CRTC2: variants seen among roughly 807,000 people sequenced by gnomAD.
CRTC2 encodes the protein CREB-regulated transcription coactivator 2.
Under a neutral mutation model 70.9 loss-of-function variants are expected in CRTC2, and 25 were observed. The ratio of observed to expected loss-of-function variants is 0.35; its 90% confidence interval spans 0.26 to 0.49. CRTC2 has a LOEUF of 0.49. Ranked by LOEUF, CRTC2 falls within the 20% of genes least tolerant of loss-of-function variation. The pLI, the probability that CRTC2 is intolerant of heterozygous loss-of-function variation, is 0.98. For synonymous variants in CRTC2, 330 were observed against 364.1 expected, an observed-to-expected ratio of 0.91 and a Z score of 1.07; for missense variants, 737 against 882.6, an observed-to-expected ratio of 0.83 and a Z score of 2.09.
chr1:153,947,960 C>T lies in CRTC2; in HGVS notation c.*149G>A. ...AATTCAGGGGCCACCTGGACAAACC[C>T]CTTGCTTTTTCTCATTCTTGGCATC... On this transcript the variant is annotated 3_prime_UTR_variant, in exon 14 of 14. Coordinates refer to ENST00000368633, the MANE Select transcript of CRTC2 (RefSeq NM_181715.3). The T allele has an allele frequency of 1.2e-6, 1 of 837,166 alleles. No individual in the cohort carries two copies. The highest frequency in any genetic ancestry group is 1.9e-6 in the Non-Finnish European group (1 of 523,110). 51.9% of individuals were successfully genotyped at this position (837,166 alleles called of 1,614,324 possible).
Position 153,948,172 on chromosome 1 carries a change from G to T in CRTC2, c.2019C>A (p.Asp673Glu), listed in dbSNP as rs1680114751. The change falls in exon 14 of 14, where the codon GAC becomes GAA. Residue 673 changes from aspartate to glutamate, a missense_variant. Coordinates refer to ENST00000368633, the MANE Select transcript of CRTC2 (RefSeq NM_181715.3). ...CAGGATCAGGCAGCAGGGCACAGGG[G>T]TCACTCAGCATGTTTAGCCCTTCCA... ...LGLEGLNMLS[D>E]PCALLPDPAV... 2 of 1,614,196 alleles carry T rather than the reference G, an allele frequency of 1.2e-6. No homozygotes were observed. Among genetic ancestry groups the T allele is most frequent in the African/African-American group, 1.3e-5 (1 of 75,038 alleles).
rs375497921 is a variant in CRTC2, at chr1:153,955,140, T to C, written c.180A>G (p.Ala60=). ...CACCATAATGAGAGCTCCTTGTGTA[T>C]GCCAGTCGCAGTTTTTGGGCCTGTA... ...TRLQAQKLRL[A]YTRSSHYGGS... Residue 60 remains alanine, a synonymous_variant, in exon 2 of 14, where the codon GCA becomes GCG. Transcript: ENST00000368633. 1.2e-6 allele frequency: 2 copies of C among 1,614,004 alleles called. No individual in the cohort carries two copies. Among genetic ancestry groups the C allele is most frequent in the African/African-American group, 1.3e-5 (1 of 75,048 alleles).
At position 153,955,060 on chromosome 1, in the gene CRTC2, C is replaced by T; in HGVS notation, c.255+5G>A. 2 of 1,614,042 alleles carry T rather than the reference C, an allele frequency of 1.2e-6. No individual in the cohort carries two copies. The highest frequency in any genetic ancestry group is 4.5e-5 in the East Asian group (2 of 44,882). On this transcript the variant is annotated splice_donor_5th_base_variant and intron_variant, in intron 2 of 13. Transcript: ENST00000368633. ...TCCACTCCTCCCTGGCTGGGGTCTACTCACCTGGAACTCGGCCAGGCCAGA... is the reference window on the plus strand; with the variant it reads ...TCCACTCCTCCCTGGCTGGGGTCTATTCACCTGGAACTCGGCCAGGCCAGA...
chr1:153,953,706 G>T, intron 4 of CRTC2, 100 bp from the exon 5 acceptor site: 2 of 720,646 alleles, frequency 2.8e-6, no homozygotes, highest in Non-Finnish European at 4.7e-6. Flanking sequence ...TGGAAGTAAA[G>T]ATGGCTGAGC....
Position 153,953,286 on chromosome 1 carries a change from A to G in CRTC2, c.587T>C (p.Ile196Thr), listed in dbSNP as rs1571078689. The change falls in exon 6 of 14, where the codon ATC (isoleucine) becomes ACC (threonine). Residue 196 changes from isoleucine (I) to threonine (T), a missense_variant. Ile to Thr is a moderately conservative substitution (Grantham distance 89, BLOSUM62 -1). This residue lies in a region of CRTC2 where 699 missense variants were observed against 823.7 expected (regional missense o/e 0.85). Coordinates refer to ENST00000368633, the MANE Select transcript of CRTC2 (RefSeq NM_181715.3). The part of the protein sequence containing the change: ...DTYPGPTPPS[I>T]LPSRRGGILD... ...CTTACCCCCACGTCGGCTGGGCAGG[A>G]TGCTGGGAGGTGTGGGGCCTGGGTA... The G allele has an allele frequency of 3.1e-6, 5 of 1,593,546 alleles. No homozygotes were observed. The highest frequency in any genetic ancestry group is 1.8e-4 in the Middle Eastern group (1 of 5,566).
intron 1 of CRTC2, among the ~76,000 whole-genome samples, chr1:153,956,926 C>T (rs1020259962): frequency 6.6e-6 from 1 of 152,170 alleles, no homozygotes; most frequent in African/African-American, 2.4e-5. Flanking sequence ...CCTAAGATCC[C>T]ACCATGCCTC....
intron 4 of CRTC2, 77 bp downstream of exon 4, chr1:153,954,178 C>T: frequency 8.9e-7 from 1 of 1,125,262 alleles, no homozygotes; most frequent in Non-Finnish European, 1.3e-6. Context: ...AATCCCAGCC[C>T]CAACCCAGAA....
intron 8 of CRTC2, 49 bp from the exon 9 acceptor site, chr1:153,952,495 G>T (rs1680384663): frequency 6.2e-7 from 1 of 1,613,020 alleles, no homozygotes; most frequent in Non-Finnish European, 8.5e-7. Flanking sequence ...GCTCAGCAGA[G>T]AACCCTGGAA....
intron 1 of CRTC2, 136 bp downstream of exon 1, chr1:153,958,209 G>A (rs928918896): frequency 1.4e-6 from 2 of 1,432,068 alleles, no homozygotes; most frequent in South Asian, 1.5e-5. Flanking sequence ...CTCAACCTGC[G>A]CCTCCCAAAC....
At position 153,952,421 on chromosome 1, in the gene CRTC2, C is replaced by G. The variant is rs770068529; in HGVS notation, c.728G>C (p.Arg243Pro). Residue 243 changes from arginine to proline, a missense_variant, in exon 9 of 14, where the codon CGG becomes CCG. Around this residue, in one of 3 missense-constraint regions of CRTC2, gnomAD observed 699 missense variants for 823.7 expected, o/e 0.85. Transcript: ENST00000368633. ...KKLSSSSSRPRSCEVPGINIF... is the reference protein window; with the variant it reads ...KKLSSSSSRPPSCEVPGINIF... The stretch of plus-strand genomic sequence containing the variant: ...CTTAATTCCAGGGACTTCACAGGAC[C>G]GAGGTCGGGAAGAGGATGAGGATAG... The G allele has an allele frequency of 1.9e-6, 3 of 1,614,102 alleles. No homozygotes were observed. Among genetic ancestry groups the G allele is most frequent in the African/African-American group, 1.3e-5 (1 of 75,002 alleles).
At position 153,954,336 on chromosome 1, in the gene CRTC2, G is replaced by GAA; in HGVS notation, c.373-22_373-21dup. 6.3e-7 allele frequency: 1 copy of GAA among 1,578,864 alleles called. No individual in the cohort carries two copies. The highest frequency in any genetic ancestry group is 8.7e-7 in the Non-Finnish European group (1 of 1,150,640). On this transcript the variant is annotated intron_variant, in intron 3 of 13. Coordinates refer to ENST00000368633, the MANE Select transcript of CRTC2 (RefSeq NM_181715.3). ...GTCAATGTGAACAGCACCAGTTAAG[G>GAA]AAAAAAGTAGAGAGGACAGATGAGA...
At chr1:153,957,442 C>T (rs1054893670) in intron 1 of CRTC2, among the ~76,000 whole-genome samples, 1 of 152,166 alleles carries the variant, frequency 6.6e-6, no homozygotes, top group Non-Finnish European at 1.5e-5. Context: ...AGACTGCATA[C>T]CACCTAGGCG....
chr1:153,954,820 G>A (rs1680539776), intron 3 of CRTC2, 53 bp downstream of exon 3: 4 of 1,490,878 alleles, frequency 2.7e-6, no homozygotes, highest in Non-Finnish European at 3.7e-6. Flanking sequence ...GAGTCCCTGA[G>A]GAACCCCATC....
At position 153,947,871 on chromosome 1, in the gene CRTC2, C is replaced by A. The variant is rs545681447; in HGVS notation, c.*238G>T. On this transcript the variant is annotated 3_prime_UTR_variant, in exon 14 of 14. Transcript: ENST00000368633. ...CAACAGGCTCTGACCTCCAGACAGA[C>A]GGTTCAAAGTTACAAGTGCTTTAGG... 1.8e-6 allele frequency: 1 copy of A among 559,914 alleles called. No homozygotes were observed. Among genetic ancestry groups the A allele is most frequent in the East Asian group, 3.1e-5 (1 of 32,358 alleles). The allele number at this position is 559,914 out of a possible 1,614,324, so 34.7% of individuals were successfully genotyped here. A position where few individuals can be genotyped will look rare whatever the true frequency, so the allele number is the denominator to read the frequency against.
Position 153,952,633 on chromosome 1 carries a change from G to A in CRTC2, c.640C>T (p.Pro214Ser). The change falls in exon 8 of 14, where the codon CCT (proline) becomes TCT (serine). Residue 214 changes from proline (P) to serine (S), a missense_variant and splice_region_variant. By Grantham distance (74) the Pro-to-Ser change is moderately conservative. This residue lies in a region of CRTC2 where 699 missense variants were observed against 823.7 expected (regional missense o/e 0.85). Coordinates refer to ENST00000368633, the MANE Select transcript of CRTC2 (RefSeq NM_181715.3). Reference sequence around the variant, plus strand: ...TCTAGCAAGTTCTCCTCAATAGCAGGTACTTGAAAGAGAAAGACTGGTGAT... The same window carrying A: ...TCTAGCAAGTTCTCCTCAATAGCAGATACTTGAAAGAGAAAGACTGGTGAT... ...ILDGEMDPKV[P>S]AIEENLLDDK... 1 of 1,614,192 alleles carries A rather than the reference G, an allele frequency of 6.2e-7. No individual in the cohort carries two copies. Among genetic ancestry groups the A allele is most frequent in the Non-Finnish European group, 8.5e-7 (1 of 1,180,016 alleles).
chr1:153,956,070 T>G (rs1437124242), intron 1 of CRTC2, among the ~76,000 whole-genome samples: 1 of 152,236 alleles, frequency 6.6e-6, no homozygotes, highest in Non-Finnish European at 1.5e-5. Context: ...CTTCCCACTC[T>G]GGAGAGCACA....
rs755794050 is a variant in CRTC2, at chr1:153,954,892, A to C, written c.353T>G (p.Leu118Arg). The C allele has an allele frequency of 1.2e-6, 2 of 1,613,374 alleles. No homozygotes were observed. The highest frequency in any genetic ancestry group is 4.5e-5 in the East Asian group (2 of 44,890). ...GGATATGTGGCGGGTGTATCGGCGA[A>C]GTGGGGACACCATTCTTCGAGGATC... is the stretch of plus-strand genomic sequence containing the variant. ...QRDPRRMVSP[L>R]RRYTRHIDSS... The change falls in exon 3 of 14, where the codon CTT becomes CGT. Residue 118 changes from leucine to arginine, a missense_variant. Coordinates refer to ENST00000368633, the MANE Select transcript of CRTC2 (RefSeq NM_181715.3).
At chr1:153,948,965 G>A (rs1680174535) in intron 12 of CRTC2, 150 bp downstream of exon 12, 1 of 867,740 alleles carries the variant, frequency 1.2e-6, no homozygotes, top group African/African-American at 1.7e-5. Context: ...CAAGCTGGCA[G>A]TGCTATGTTA....
chr1:153,948,952 C>T (rs1680173793), intron 12 of CRTC2, 163 bp downstream of exon 12: 2 of 809,526 alleles, frequency 2.5e-6, no homozygotes, highest in Non-Finnish European at 4.2e-6. Context: ...AAGAGAGGAG[C>T]CCCAAGCTGG....
Sources: gnomAD v4.1 joint callset for allele counts (sites outside exome capture counted in the v4.1 genomes callset) on GRCh38, gnomAD v4.1.1 for gene constraint, gnomAD v4.1.1 regional missense constraint, MANE v1.5 for transcripts, NCBI Gene and HGNC (gene_info 2026-07-23, HGNC 2026-07-21) for gene names.